The following LMNB2 variants were observed in gnomAD, a reference collection of about 807,000 sequenced individuals.
The protein encoded by LMNB2 is lamin B2.
In LMNB2, 17 loss-of-function variants were observed where a neutral mutation model predicts 69.3. The observed-to-expected ratio is 0.25, with a 90% CI of 0.17 to 0.37. LMNB2 has a LOEUF of 0.37. Among genes scored for constraint, LMNB2 ranks in the 10% least tolerant of loss-of-function variants. The pLI, the probability that LMNB2 is intolerant of heterozygous loss-of-function variation, is 1.00. For missense variants in LMNB2, 789 were observed against 883.6 expected (o/e 0.89, Z 1.36); for synonymous variants, 397 against 389.3 (o/e 1.02, Z -0.23).
rs1971933286 is a variant in LMNB2, at chr19:2,444,601, A to AG, written c.265-62dup. On this transcript the variant is annotated intron_variant, in intron 1 of 11. Transcript: ENST00000325327. ...CCCTTCCCCTTGGACTACAGCAGTC[A>AG]GGGGGCCCGGCCACTGGCCCTGCTC... 3 of 1,595,414 alleles carry AG rather than the reference A, an allele frequency of 1.9e-6. No homozygotes were observed. In the South Asian group the frequency reaches 3.3e-5, roughly 18 times the overall value.
At chr19:2,441,163 G>A (rs1008441975) in intron 2 of LMNB2, among the ~76,000 whole-genome samples, 1 of 152,202 alleles carries the variant, frequency 6.6e-6, no homozygotes, top group Admixed American at 6.5e-5. Context: ...CGTGTGAGGG[G>A]TCCCTGGTCG....
intron 7 of LMNB2, 41 bp downstream of exon 7, chr19:2,434,254 C>T (rs1386281388): frequency 2.5e-6 from 4 of 1,605,652 alleles, no homozygotes; most frequent in Admixed American, 1.7e-5. Context: ...CCCTGCCCCT[C>T]CTCCTCACTC....
chr19:2,455,152 G>T (rs1254769006), intron 1 of LMNB2, among the ~76,000 whole-genome samples: 1 of 151,986 alleles, frequency 6.6e-6, no homozygotes, highest in Non-Finnish European at 1.5e-5. Flanking sequence ...CCTGGTGAGA[G>T]ATGAGGGGCC....
chr19:2,432,344 G>A (rs1971750655), intron 9 of LMNB2, 72 bp downstream of exon 9: 3 of 915,272 alleles, frequency 3.3e-6, no homozygotes, highest in Admixed American at 2.2e-5. Context: ...GCCAAGTCCT[G>A]TGCCTCCAGT....
rs755926743 is a variant in LMNB2, at chr19:2,431,621, A to G, written c.1748T>C (p.Met583Thr). ...TTCCTCCCCATTCTCATTCTCACGC[A>G]TCACCGAGGACTTCTTCACAGTCCT... is the stretch of plus-strand genomic sequence containing the variant. Reference protein sequence around the residue: ...AMRTVKKSSVMRENENGEEEE... With the variant: ...AMRTVKKSSVTRENENGEEEE... The change falls in exon 11 of 12, where the codon ATG becomes ACG. Residue 583 changes from methionine (M) to threonine (T), a missense_variant. Met to Thr is a moderately conservative substitution (Grantham distance 81). This residue lies in a region of LMNB2 where 609 missense variants were observed against 630.9 expected (regional missense o/e 0.97). Transcript: ENST00000325327. 4 of 1,614,056 alleles carry G rather than the reference A, an allele frequency of 2.5e-6. No homozygotes were observed. Among genetic ancestry groups the G allele is most frequent in the South Asian group, 2.2e-5 (2 of 91,088 alleles).
intron 1 of LMNB2, among the ~76,000 whole-genome samples, chr19:2,456,185 G>A (rs950138333): frequency 6.7e-6 from 1 of 149,384 alleles, no homozygotes; most frequent in Non-Finnish European, 1.5e-5. Context: ...CCCCGAGGCC[G>A]GACTGTCCCC....
Position 2,449,566 on chromosome 19 carries a change from G to A in LMNB2, c.265-5026C>T, listed in dbSNP as rs541422549. Among the ~76,000 whole-genome samples the A allele has an allele frequency of 3.3e-5, 5 of 152,136 alleles. 1 individual carries two copies. The South Asian group carries it at 1.0e-3, about 32-fold the overall frequency. On this transcript the variant is annotated intron_variant, in intron 1 of 11. Transcript: ENST00000325327. Reference sequence around the variant, plus strand: ...AGGCTGAGGCGGGCGAATTACTTGAGGTCAGCAGTTCGAGACCAGCCTGGC... The same window carrying A: ...AGGCTGAGGCGGGCGAATTACTTGAAGTCAGCAGTTCGAGACCAGCCTGGC...
intron 1 of LMNB2, among the ~76,000 whole-genome samples, chr19:2,456,219 C>T (rs1266619016): frequency 6.6e-6 from 1 of 151,506 alleles, no homozygotes; most frequent in Non-Finnish European, 1.5e-5. Context: ...CTCAGGGTTC[C>T]CCGCGACTGG....
At position 2,428,880 on chromosome 19, in the gene LMNB2, CTAAGGG is replaced by C. The variant is rs1971696671; in HGVS notation, c.*2025_*2030del. On this transcript the variant is annotated 3_prime_UTR_variant, in exon 12 of 12. Coordinates refer to ENST00000325327, the MANE Select transcript of LMNB2 (RefSeq NM_032737.4). ...CCACGCTTCTCCCCACCCCCTTCAGCTAAGGGCACCCGCAGTCCTAGGACCACCCCC... is the reference window on the plus strand; with the variant it reads ...CCACGCTTCTCCCCACCCCCTTCAGCCACCCGCAGTCCTAGGACCACCCCC... 1 of 152,242 alleles carries C rather than the reference CTAAGGG, an allele frequency of 6.6e-6. No homozygotes were observed. Among genetic ancestry groups the C allele is most frequent in the African/African-American group, 2.4e-5 (1 of 41,428 alleles). 9.4% of individuals were successfully genotyped at this position (152,242 alleles called of 1,614,324 possible).
At position 2,429,809 on chromosome 19, in the gene LMNB2, A is replaced by ATC. The variant is rs1397080186; in HGVS notation, c.*1100_*1101dup. The ATC allele has an allele frequency of 2.6e-5, 4 of 152,194 alleles. No individual in the cohort carries two copies. The highest frequency in any genetic ancestry group is 4.4e-5 in the Non-Finnish European group (3 of 68,056). 9.4% of individuals were successfully genotyped at this position (152,194 alleles called of 1,614,324 possible). On this transcript the variant is annotated 3_prime_UTR_variant, in exon 12 of 12. Transcript: ENST00000325327. Reference sequence around the variant, plus strand: ...TCCATTAAAAAAATAACTTCTGTGTATCTATGAGGGAGGGTGTAAACGGTG... The same window carrying ATC: ...TCCATTAAAAAAATAACTTCTGTGTATCTCTATGAGGGAGGGTGTAAACGGTG...
intron 1 of LMNB2, among the ~76,000 whole-genome samples, chr19:2,450,010 G>C (rs991142540): frequency 8.5e-5 from 13 of 152,088 alleles, no homozygotes; most frequent in African/African-American, 3.1e-4. Flanking sequence ...GGGAGGCGGA[G>C]GTTGTGGTGA....
chr19:2,434,064 G>T lies in LMNB2; in HGVS notation c.1244C>A (p.Ser415Ter). 1 of 1,598,686 alleles carries T rather than the reference G, an allele frequency of 6.3e-7. No individual in the cohort carries two copies. Residue 415 changes from serine (S) to a stop codon, truncating the protein, a stop_gained, in exon 8 of 12, where the codon TCA becomes TAA. Coordinates refer to ENST00000325327, the MANE Select transcript of LMNB2 (RefSeq NM_032737.4). LOFTEE classifies it high-confidence loss of function. ...SPSPSSRVTV[S>*]RATSSSSGSL... ...GCCGCTGCTGCTCGAGGTGGCTCGT[G>T]AGACGGTGACGCGCGAGGATGGGCT...
intron 2 of LMNB2, among the ~76,000 whole-genome samples, chr19:2,439,035 CT>C (rs397945879): frequency 0.021 from 1,373 of 65,520 alleles, 23 homozygotes; most frequent in East Asian, 0.074. Flanking sequence ...GGCACTTAAG[CT>C]TTTTTTTTTT....
At chr19:2,441,534 G>A (rs1016803563) in intron 2 of LMNB2, among the ~76,000 whole-genome samples, 1 of 152,254 alleles carries the variant, frequency 6.6e-6, no homozygotes, top group Non-Finnish European at 1.5e-5. Flanking sequence ...AGGGCTGCGA[G>A]CCCTGCGGCC....
At chr19:2,440,617 T>TCATC (rs924906284) in intron 2 of LMNB2, among the ~76,000 whole-genome samples, 30 of 140,694 alleles carry the variant, frequency 2.1e-4, no homozygotes, top group African/African-American at 7.5e-4. Context: ...CATCCACCCA[T>TCATC]CATCCATCCA....
intron 1 of LMNB2, among the ~76,000 whole-genome samples, chr19:2,456,090 C>A (rs977768449): frequency 6.6e-6 from 1 of 151,244 alleles, no homozygotes. Flanking sequence ...CGTTCAGAGT[C>A]CCCCGCGATC....
rs567796688 is a variant in LMNB2, at chr19:2,434,858, C to A, written c.911G>T (p.Arg304Leu). The A allele has an allele frequency of 3.1e-6, 5 of 1,607,722 alleles. No homozygotes were observed. Among genetic ancestry groups the A allele is most frequent in the African/African-American group, 2.7e-5 (2 of 75,022 alleles). ...DQNDKAASAA[R>L]EELKEARMRL... Reference sequence around the variant, plus strand: ...CATGCGGGCCTCCTTCAGCTCCTCGCGAGCCGCACTGGCCGCCTTGTCGTT... The same window carrying A: ...CATGCGGGCCTCCTTCAGCTCCTCGAGAGCCGCACTGGCCGCCTTGTCGTT... The change falls in exon 6 of 12, where the codon CGC becomes CTC. Residue 304 changes from arginine (R) to leucine (L), a missense_variant. Coordinates refer to ENST00000325327, the MANE Select transcript of LMNB2 (RefSeq NM_032737.4).
chr19:2,435,897 T>C (rs1472505873), intron 4 of LMNB2, among the ~76,000 whole-genome samples: 1 of 151,982 alleles, frequency 6.6e-6, no homozygotes, highest in African/African-American at 2.4e-5. Context: ...ATGCCTGTAA[T>C]CCCAGCACTT....
intron 1 of LMNB2, among the ~76,000 whole-genome samples, chr19:2,450,162 G>A (rs7255900): frequency 0.11 from 16,043 of 150,646 alleles, 1,470 homozygotes; most frequent in East Asian, 0.28. Flanking sequence ...TCATCCCATC[G>A]CCCCAGCGTG....
Sources: gnomAD v4.1 joint callset for allele counts (sites outside exome capture counted in the v4.1 genomes callset) on GRCh38, gnomAD v4.1.1 for gene constraint, gnomAD v4.1.1 regional missense constraint, MANE v1.5 for transcripts, NCBI Gene and HGNC (gene_info 2026-07-23, HGNC 2026-07-21) for gene names.